Variants in SENP6 observed in about 807,000 individuals in gnomAD.
SENP6 encodes the protein SUMO specific peptidase 6.
Under a neutral mutation model 134.5 loss-of-function variants are expected in SENP6, and 41 were observed. The observed-to-expected ratio is 0.30, with a 90% CI of 0.24 to 0.40. The LOEUF (loss-of-function observed/expected upper bound fraction) is 0.40, where lower values mean the gene tolerates loss of function less well. Ranked by LOEUF, SENP6 falls within the 10% of genes least tolerant of loss-of-function variation. SENP6 has a pLI of 1.00. For synonymous variants in SENP6, 395 were observed against 429.8 expected (o/e 0.92, Z 1.00); for missense variants, 1,248 against 1,312.5 (o/e 0.95, Z 0.76).
intron 1 of SENP6, among the ~76,000 whole-genome samples, chr6:75,613,908 G>T (rs1358614088): frequency 3.9e-5 from 6 of 152,118 alleles, no homozygotes; most frequent in African/African-American, 1.2e-4. Flanking sequence ...TCTGGTTCAG[G>T]ATCTGATACA....
intron 21 of SENP6, among the ~76,000 whole-genome samples, chr6:75,712,362 CT>C: frequency 6.6e-6 from 1 of 152,196 alleles, no homozygotes; most frequent in South Asian, 2.1e-4. Flanking sequence ...CTGCTCCAAA[CT>C]TTATAAAATT....
rs1279858113 is a variant in SENP6 at position 75,677,066 on chromosome 6, A to G, written c.1658A>G (p.Asn553Ser). ...EEQYIILIFQ[N>S]GLDPPANMVF... ...CAATATATAATTTTAATTTTTCAAAATGGCCTTGATCCTCCGGCAAATATG... is the reference window on the plus strand; with the variant it reads ...CAATATATAATTTTAATTTTTCAAAGTGGCCTTGATCCTCCGGCAAATATG... Residue 553 changes from asparagine to serine, a missense_variant, in exon 14 of 24, where the codon AAT becomes AGT. Transcript: ENST00000447266. 1.9e-6 allele frequency: 3 copies of G among 1,585,484 alleles called. No homozygotes were observed. The highest frequency in any genetic ancestry group is 1.3e-5 in the African/African-American group (1 of 74,210).
chr6:75,686,925 G>T (rs996940016), intron 16 of SENP6, among the ~76,000 whole-genome samples: 6 of 152,114 alleles, frequency 3.9e-5, no homozygotes, highest in African/African-American at 1.4e-4. Context: ...TGCATTTCCT[G>T]AATTTAAATA....
intron 17 of SENP6, among the ~76,000 whole-genome samples, chr6:75,696,284 G>A (rs2133193): frequency 0.24 from 37,085 of 152,026 alleles, 5,899 homozygotes; most frequent in Non-Finnish European, 0.37. Flanking sequence ...ATCTAGAATA[G>A]TGTTTCCCAA....
At chr6:75,674,779 A>G (rs1582830350) in intron 11 of SENP6, among the ~76,000 whole-genome samples, 2 of 152,186 alleles carry the variant, frequency 1.3e-5, no homozygotes, top group East Asian at 3.8e-4. Context: ...CTCTTTTTAT[A>G]TTATAAAAAT....
rs1582925921 is a variant in SENP6, at chr6:75,716,996, G to C, written c.*1402G>C. ...AAAAAATATCTATTGAGACACAGTAGAGTCTCAGTAAGAGAAATATTAAAA... is the reference window on the plus strand; with the variant it reads ...AAAAAATATCTATTGAGACACAGTACAGTCTCAGTAAGAGAAATATTAAAA... On this transcript the variant is annotated 3_prime_UTR_variant, in exon 24 of 24. Coordinates refer to ENST00000447266, the MANE Select transcript of SENP6 (RefSeq NM_015571.4). 6.6e-6 allele frequency: 1 copy of C among 151,950 alleles called. No homozygotes were observed. Among genetic ancestry groups the C allele is most frequent in the Admixed American group, 6.6e-5 (1 of 15,250 alleles). 9.4% of individuals were successfully genotyped at this position (151,950 alleles called of 1,614,324 possible). A position where few individuals can be genotyped will look rare whatever the true frequency, so the allele number is the denominator to read the frequency against.
At chr6:75,644,413 C>G (rs1770268966) in intron 6 of SENP6, among the ~76,000 whole-genome samples, 1 of 151,402 alleles carries the variant, frequency 6.6e-6, no homozygotes, top group East Asian at 1.9e-4. Flanking sequence ...TGCATTGTAT[C>G]CTAGATTGGA....
chr6:75,661,786 T>C (rs1001231439), intron 8 of SENP6, among the ~76,000 whole-genome samples: 3 of 152,102 alleles, frequency 2.0e-5, no homozygotes, highest in Admixed American at 2.0e-4. Context: ...CAGTGGCTCA[T>C]GCCTGTAATC....
chr6:75,611,780 A>G (rs1012126785), intron 1 of SENP6: 4 of 152,190 alleles, frequency 2.6e-5, no homozygotes, highest in Admixed American at 1.3e-4. Context: ...TTCATTCCAT[A>G]GAAAGTTAAG....
At chr6:75,619,067 C>A (rs949581501) in intron 1 of SENP6, among the ~76,000 whole-genome samples, 1 of 148,418 alleles carries the variant, frequency 6.7e-6, no homozygotes, top group South Asian at 2.1e-4. Context: ...GTATAATATA[C>A]ATAACATATA....
At chr6:75,680,555 A>T (rs562575910) in intron 16 of SENP6, among the ~76,000 whole-genome samples, 16 of 152,364 alleles carry the variant, frequency 1.1e-4, no homozygotes, top group South Asian at 6.2e-4. Context: ...TTGAAGAAGT[A>T]AGAAGAGAAA....
intron 8 of SENP6, among the ~76,000 whole-genome samples, 199 bp from the exon 9 acceptor site, chr6:75,663,022 G>A (rs1156955605): frequency 1.3e-5 from 2 of 152,308 alleles, no homozygotes; most frequent in East Asian, 1.9e-4. Context: ...TGGTAGCCAT[G>A]ATGGTAATGA....
chr6:75,625,112 C>CAATT (rs1768573814), intron 3 of SENP6, among the ~76,000 whole-genome samples: 2 of 112,174 alleles, frequency 1.8e-5, no homozygotes, highest in Non-Finnish European at 3.4e-5. Flanking sequence ...TGTGTGTGTC[C>CAATT]TTTTTTTTTT....
chr6:75,688,464 C>CAGG (rs1230030629), intron 16 of SENP6, among the ~76,000 whole-genome samples: 4 of 152,202 alleles, frequency 2.6e-5, no homozygotes, highest in Non-Finnish European at 5.9e-5. Flanking sequence ...AGAAATCACC[C>CAGG]ATCTTCTGCA....
At chr6:75,660,190 G>A (rs555360474) in intron 8 of SENP6, among the ~76,000 whole-genome samples, 3 of 152,170 alleles carry the variant, frequency 2.0e-5, no homozygotes, top group Non-Finnish European at 4.4e-5. Context: ...AATGATGTGT[G>A]TAGTTTTCAA....
intron 4 of SENP6, among the ~76,000 whole-genome samples, chr6:75,634,339 C>T (rs773332934): frequency 1.7e-4 from 26 of 152,174 alleles, no homozygotes; most frequent in Non-Finnish European, 3.5e-4. Flanking sequence ...CTCCGCCTCC[C>T]GGGTTCAAGT....
intron 7 of SENP6, among the ~76,000 whole-genome samples, chr6:75,659,005 A>G: frequency 1.6e-5 from 2 of 128,474 alleles, no homozygotes. Context: ...AAAAAAGGGG[A>G]ATTGTGAGTA....
intron 22 of SENP6, 47 bp downstream of exon 22, chr6:75,713,628 G>C: frequency 6.3e-7 from 1 of 1,592,850 alleles, no homozygotes; most frequent in South Asian, 1.1e-5. Flanking sequence ...GAAGAACTAT[G>C]TATATTTATA....
chr6:75,642,348 C>T (rs1020153279), intron 6 of SENP6, among the ~76,000 whole-genome samples: 1 of 152,310 alleles, frequency 6.6e-6, no homozygotes, highest in Non-Finnish European at 1.5e-5. Context: ...ATGTGATAGA[C>T]TGACAGTATG....
Sources: allele counts gnomAD v4.1 joint callset (sites outside exome capture counted in the v4.1 genomes callset), GRCh38; gene constraint gnomAD v4.1.1; transcripts MANE v1.5; gene names NCBI Gene and HGNC (gene_info 2026-07-23, HGNC 2026-07-21).